Variants in PRR16 observed in about 807,000 individuals in gnomAD.
The protein encoded by PRR16 is proline rich 16.
In PRR16, 6 loss-of-function variants were observed where a neutral mutation model predicts 18.2. The observed-to-expected ratio is 0.33, with a 90% confidence interval of 0.18 to 0.65. PRR16 has a LOEUF of 0.65. PRR16 is among the 30% of genes least tolerant of loss of function. The pLI, the probability that PRR16 is intolerant of heterozygous loss-of-function variation, is 0.74. For synonymous variants in PRR16, 151 were observed against 147.8 expected (o/e 1.02, Z -0.16); for missense variants, 412 against 376.6 (o/e 1.09, Z -0.78).
the PRR16 span, among the ~76,000 whole-genome samples, chr5:120,773,159 C>T: frequency 6.6e-6 from 1 of 152,086 alleles, no homozygotes; most frequent in Admixed American, 6.6e-5. Context: ...AAGACTCTTA[C>T]CCAGTGTCAG....
At chr5:120,530,272 TATATATATA>T (rs1751504011) in intron 1 of PRR16, among the ~76,000 whole-genome samples, 1 of 125,310 alleles carries the variant, frequency 8.0e-6, no homozygotes, top group African/African-American at 3.4e-5. Flanking sequence ...TATATATATA[TATATATATA>T]TATTTATTTA....
At chr5:120,661,239 T>C (rs1756163447) in intron 1 of PRR16, among the ~76,000 whole-genome samples, 1 of 152,132 alleles carries the variant, frequency 6.6e-6, no homozygotes, top group Admixed American at 6.6e-5. Context: ...TATGACTTTC[T>C]TGGGTCACAC....
intron 1 of PRR16, chr5:120,658,031 ATGTTGTTGT>A (rs150042007): frequency 7.9e-5 from 12 of 151,352 alleles, no homozygotes; most frequent in African/African-American, 2.4e-4. Flanking sequence ...GTGGGTTTTG[ATGTTGTTGT>A]TGTTGTTGTT....
chr5:120,685,213 C>T, intron 1 of PRR16, among the ~76,000 whole-genome samples: 1 of 152,156 alleles, frequency 6.6e-6, no homozygotes, highest in South Asian at 2.1e-4. Flanking sequence ...GTGTGCCCAC[C>T]AGGGGCTCTC....
At chr5:120,753,852 TATATA>T in the PRR16 span, among the ~76,000 whole-genome samples, 2 of 109,878 alleles carry the variant, frequency 1.8e-5, no homozygotes, top group Admixed American at 1.2e-4. Flanking sequence ...TTATATATTA[TATATA>T]ATATCTTATA....
intron 1 of PRR16, among the ~76,000 whole-genome samples, chr5:120,479,059 CT>C (rs1053799571): frequency 1.3e-5 from 2 of 151,874 alleles, no homozygotes; most frequent in African/African-American, 4.8e-5. Context: ...TTTTTCTTCT[CT>C]TTTATATACT....
At chr5:120,576,779 C>T (rs1753092750) in intron 1 of PRR16, among the ~76,000 whole-genome samples, 1 of 152,050 alleles carries the variant, frequency 6.6e-6, no homozygotes, top group Non-Finnish European at 1.5e-5. Context: ...GCTCTCCTGG[C>T]TTACAGGCCT....
intron 1 of PRR16, among the ~76,000 whole-genome samples, chr5:120,570,602 A>G (rs1280349854): frequency 6.6e-6 from 1 of 152,178 alleles, no homozygotes; most frequent in African/African-American, 2.4e-5. Flanking sequence ...CATATACAAT[A>G]GTATTTATTG....
In PRR16 at chr5:120,531,992, T is replaced by C. The variant is rs572951285; in HGVS notation, c.159+67347T>C. On this transcript the variant is annotated intron_variant, in intron 1 of 1. Transcript: ENST00000407149. ...GAGAGCTAATTATAAAGAAGCTCCA[T>C]TAGAAATTCCCTTTTTGGTTATGTT... 1.6e-4 allele frequency among the ~76,000 whole-genome samples: 25 copies of C among 152,302 alleles called. No individual in the cohort carries two copies. The East Asian group carries it at 3.3e-3, about 20-fold the overall frequency.
At chr5:120,737,426 C>T in the PRR16 span, among the ~76,000 whole-genome samples, 3 of 141,324 alleles carry the variant, frequency 2.1e-5, no homozygotes, top group Admixed American at 7.6e-5. Context: ...TAATGTGGTG[C>T]GTTACCTTGA....
intron 1 of PRR16, among the ~76,000 whole-genome samples, chr5:120,593,592 C>A (rs1309290091): frequency 2.6e-5 from 4 of 152,082 alleles, no homozygotes; most frequent in African/African-American, 9.7e-5. Context: ...GAGCTGATAC[C>A]ATTCCTACTG....
At chr5:120,508,324 C>T (rs1016876730) in intron 1 of PRR16, among the ~76,000 whole-genome samples, 1 of 152,116 alleles carries the variant, frequency 6.6e-6, no homozygotes, top group Non-Finnish European at 1.5e-5. Context: ...TGAAATTTGA[C>T]TTCTTGTTAT....
At chr5:120,569,096 A>T (rs542303150) in intron 1 of PRR16, among the ~76,000 whole-genome samples, 1 of 152,154 alleles carries the variant, frequency 6.6e-6, no homozygotes, top group South Asian at 2.1e-4. Flanking sequence ...TCCTGTTTTT[A>T]GGAGTTATTT....
chr5:120,464,690 C>T (rs1236009957), intron 1 of PRR16, 45 bp downstream of exon 1: 1 of 1,469,196 alleles, frequency 6.8e-7, no homozygotes, highest in African/African-American at 1.4e-5. Context: ...CCCTTCGACC[C>T]CTCCGGGGTC....
At position 120,686,862 on chromosome 5, in the gene PRR16, C is replaced by T. The variant is rs1757145485; in HGVS notation, c.*153C>T. ...AAAATCACCTGGTAAGTATGCAGCA[C>T]ATTGCTTATATCCTGGGTATGCATT... On this transcript the variant is annotated 3_prime_UTR_variant, in exon 2 of 2. Transcript: ENST00000407149. 1 of 509,444 alleles carries T rather than the reference C, an allele frequency of 2.0e-6. No individual in the cohort carries two copies. The highest frequency in any genetic ancestry group is 3.2e-6 in the Non-Finnish European group (1 of 312,398). 31.6% of individuals were successfully genotyped at this position (509,444 alleles called of 1,614,324 possible).
At chr5:120,532,531 T>C (rs1000785738) in intron 1 of PRR16, among the ~76,000 whole-genome samples, 4 of 152,220 alleles carry the variant, frequency 2.6e-5, no homozygotes, top group Admixed American at 6.5e-5. Context: ...CATCAGACTT[T>C]ATAGCAATTC....
chr5:120,782,358 C>A, the PRR16 span, among the ~76,000 whole-genome samples: 55 of 152,288 alleles, frequency 3.6e-4, 1 homozygote, highest in Non-Finnish European at 6.3e-4. Flanking sequence ...CACCCCATGG[C>A]ACTTGGGGTT....
At chr5:120,496,074 AT>A (rs2112835267) in intron 1 of PRR16, among the ~76,000 whole-genome samples, 1 of 151,872 alleles carries the variant, frequency 6.6e-6, no homozygotes, top group East Asian at 1.9e-4. Context: ...CGATTATGTG[AT>A]TTTTCTTCTT....
chr5:120,609,338 A>G (rs947034188), intron 1 of PRR16, among the ~76,000 whole-genome samples: 5 of 152,132 alleles, frequency 3.3e-5, no homozygotes, highest in African/African-American at 7.2e-5. Flanking sequence ...CAAAAACTCC[A>G]TAATCAATAA....
Sources: allele counts gnomAD v4.1 joint callset (sites outside exome capture counted in the v4.1 genomes callset), GRCh38; gene constraint gnomAD v4.1.1; transcripts MANE v1.5; gene names NCBI Gene and HGNC (gene_info 2026-07-23, HGNC 2026-07-21).